ITPR1: variants seen among roughly 807,000 people sequenced by gnomAD.
ITPR1 encodes inositol 1,4,5-trisphosphate receptor type 1.
ITPR1 carries 96 observed loss-of-function variants against 318.4 expected under a neutral mutation model. That is an observed-to-expected ratio of 0.30 (90% CI 0.26 to 0.36). The LOEUF (loss-of-function observed/expected upper bound fraction) is 0.36. Ranked by LOEUF, ITPR1 falls within the 10% of genes least tolerant of loss-of-function variation. The pLI is 1.00. For synonymous variants in ITPR1, 1,312 were observed against 1,289.9 expected (o/e 1.02, Z -0.37); for missense variants, 2,440 against 3,460.2 (o/e 0.71, Z 7.40).
At chr3:4,755,335 G>A (rs140128694) in intron 44 of ITPR1, among the ~76,000 whole-genome samples, 2,464 of 152,166 alleles carry the variant, frequency 0.016, 31 homozygotes, top group Non-Finnish European at 0.029. Flanking sequence ...TGGGCACTGG[G>A]AGACAGGAAA....
At chr3:4,649,711 C>G (rs1428934456) in intron 10 of ITPR1, among the ~76,000 whole-genome samples, 2 of 152,162 alleles carry the variant, frequency 1.3e-5, no homozygotes, top group African/African-American at 4.8e-5. Context: ...TTATAAATAT[C>G]AGAAATGTAT....
intron 4 of ITPR1, among the ~76,000 whole-genome samples, chr3:4,541,401 A>G (rs926160523): frequency 6.6e-6 from 1 of 151,592 alleles, no homozygotes; most frequent in Admixed American, 6.6e-5. Context: ...CAGCATCATT[A>G]TTTTTTTGCC....
rs376838496 is a variant in ITPR1, at chr3:4,694,809, T to C, written c.4281+1068T>C. Among the ~76,000 whole-genome samples, 3 of 152,366 alleles carry C rather than the reference T, an allele frequency of 2.0e-5. No individual in the cohort carries two copies. In the East Asian group the frequency reaches 5.8e-4, roughly 29 times the overall value. ...CATTAGTCAGTACCTGACCATACTCTTTGAAAAGTTCAAATATCAAAGACT... is the reference window on the plus strand; with the variant it reads ...CATTAGTCAGTACCTGACCATACTCCTTGAAAAGTTCAAATATCAAAGACT... On this transcript the variant is annotated intron_variant, in intron 33 of 61. Transcript: ENST00000649015.
In ITPR1 at chr3:4,818,083, C is replaced by T. The variant is rs367926649; in HGVS notation, c.7869C>T (p.Gly2623=). The change falls in exon 60 of 62, where the codon GGC becomes GGT. Residue 2623 remains glycine (G), a splice_region_variant and synonymous_variant. Transcript: ENST00000649015. ...GGGGGCTTTTTGTCTCATTTTTAGG[C>T]TTGGAAAGAGACAAGTTTGACAACA... ...EILKTTCFIC[G]LERDKFDNKT... 1 of 1,595,876 alleles carries T rather than the reference C, an allele frequency of 6.3e-7. No individual in the cohort carries two copies. Among genetic ancestry groups the T allele is most frequent in the East Asian group, 2.2e-5 (1 of 44,470 alleles).
chr3:4,617,201 C>G (rs2092421555), intron 4 of ITPR1, among the ~76,000 whole-genome samples: 1 of 152,064 alleles, frequency 6.6e-6, no homozygotes, highest in Non-Finnish European at 1.5e-5. Flanking sequence ...TGATACTTGG[C>G]ATTTTCCAGT....
At chr3:4,841,386 A>G (rs901357867) in intron 61 of ITPR1, among the ~76,000 whole-genome samples, 1 of 152,208 alleles carries the variant, frequency 6.6e-6, no homozygotes, top group African/African-American at 2.4e-5. Flanking sequence ...TTCCCAGGAA[A>G]GGAATCAGCA....
chr3:4,825,388 G>A (rs73098059), intron 60 of ITPR1, among the ~76,000 whole-genome samples: 4,379 of 152,254 alleles, frequency 0.029, 187 homozygotes, highest in African/African-American at 0.099. Flanking sequence ...CTTAGGAGGG[G>A]AGAGCCCAGG....
At chr3:4,716,868 G>A (rs956880931) in intron 39 of ITPR1, among the ~76,000 whole-genome samples, 1 of 152,136 alleles carries the variant, frequency 6.6e-6, no homozygotes, top group Admixed American at 6.5e-5. Flanking sequence ...ACCAGGCTGG[G>A]GATATGCTGG....
At chr3:4,830,225 C>G (rs1198139255) in intron 60 of ITPR1, among the ~76,000 whole-genome samples, 1 of 151,998 alleles carries the variant, frequency 6.6e-6, no homozygotes, top group Admixed American at 6.6e-5. Flanking sequence ...ATCCGTCCAC[C>G]TCAGCCTCCC....
Position 4,555,960 on chromosome 3 carries a change from C to A in ITPR1, c.163+34866C>A, listed in dbSNP as rs148709218. ...GATTTGCACACAAGCACTTCAGCTC[C>A]AGGGTCTGTGCTCGTAGACACTGCG... On this transcript the variant is annotated intron_variant, in intron 4 of 61. Transcript: ENST00000649015. Among the ~76,000 whole-genome samples the A allele has an allele frequency of 6.7e-3, 1,021 of 152,266 alleles. 9 individuals are homozygous for A. Among genetic ancestry groups the A allele is most frequent in the African/African-American group, 0.024 (984 of 41,538 alleles).
Position 4,516,513 on chromosome 3 carries a change from T to C in ITPR1, c.22T>C (p.Phe8Leu). ...AGACATGTCTGACAAAATGTCTAGC[T>C]TCCTACATATTGGAGACATTTGTTC... MSDKMSS[F>L]LHIGDICSLY... Residue 8 changes from phenylalanine to leucine, a missense_variant, in exon 3 of 62, where the codon TTC becomes CTC. Phe to Leu is a conservative substitution (Grantham distance 22). Coordinates refer to ENST00000649015, the MANE Select transcript of ITPR1 (RefSeq NM_001378452.1). 1.3e-6 allele frequency: 2 copies of C among 1,591,896 alleles called. No homozygotes were observed. Among genetic ancestry groups the C allele is most frequent in the South Asian group, 1.2e-5 (1 of 85,932 alleles).
At chr3:4,726,318 C>G (rs60187531) in intron 41 of ITPR1, among the ~76,000 whole-genome samples, 375 of 150,080 alleles carry the variant, frequency 2.5e-3, no homozygotes, top group African/African-American at 8.9e-3. Flanking sequence ...GCATGAGGCT[C>G]TGCGCCCAGC....
chr3:4,670,434 A>C (rs1484799867), intron 19 of ITPR1, among the ~76,000 whole-genome samples: 1 of 152,160 alleles, frequency 6.6e-6, no homozygotes, highest in African/African-American at 2.4e-5. Context: ...AATGTTCAGC[A>C]GCATCCCTGG....
At chr3:4,655,862 G>A (rs1401353852) in intron 12 of ITPR1, among the ~76,000 whole-genome samples, 7 of 152,132 alleles carry the variant, frequency 4.6e-5, no homozygotes, top group Admixed American at 6.5e-5. Flanking sequence ...ACGCCCACAC[G>A]GCCAACAGCA....
At chr3:4,813,318 T>G (rs541444749) in intron 57 of ITPR1, 84 bp downstream of exon 57, 2 of 916,666 alleles carry the variant, frequency 2.2e-6, no homozygotes, top group East Asian at 4.9e-5. Flanking sequence ...GGAAGAAGAT[T>G]AAATTTACTG....
chr3:4,822,254 C>T (rs1240702004), intron 60 of ITPR1, among the ~76,000 whole-genome samples: 1 of 152,196 alleles, frequency 6.6e-6, no homozygotes, highest in Non-Finnish European at 1.5e-5. Context: ...CAGAGCACAG[C>T]CAGCCAGGAA....
At chr3:4,741,966 A>C (rs1339993175) in intron 44 of ITPR1, among the ~76,000 whole-genome samples, 2 of 152,142 alleles carry the variant, frequency 1.3e-5, no homozygotes, top group African/African-American at 4.8e-5. Flanking sequence ...TGGGGGTTCG[A>C]GAGCTGTTGG....
intron 4 of ITPR1, among the ~76,000 whole-genome samples, chr3:4,621,396 G>A (rs1455237259): frequency 1.3e-5 from 2 of 152,124 alleles, no homozygotes; most frequent in African/African-American, 2.4e-5. Context: ...AGTATCATGA[G>A]CACAGCACCA....
Position 4,675,064 on chromosome 3 carries a change from A to G in ITPR1, c.2599-4A>G. The G allele has an allele frequency of 6.7e-7, 1 of 1,483,464 alleles. No homozygotes were observed. Among genetic ancestry groups the G allele is most frequent in the Non-Finnish European group, 9.4e-7 (1 of 1,064,784 alleles). The allele number at this position is 1,483,464 out of a possible 1,614,324, so 91.9% of individuals were successfully genotyped here. A position where few individuals can be genotyped will look rare whatever the true frequency, so the allele number is the denominator to read the frequency against. ...CGTCTTCTTCTTTTATTTTAATACA[A>G]TAGGTTGTAAATTTAGCTAGGAATC... On this transcript the variant is annotated splice_polypyrimidine_tract_variant and splice_region_variant and intron_variant, in intron 22 of 61. Coordinates refer to ENST00000649015, the MANE Select transcript of ITPR1 (RefSeq NM_001378452.1).
Sources: allele counts gnomAD v4.1 joint callset (sites outside exome capture counted in the v4.1 genomes callset), GRCh38; gene constraint gnomAD v4.1.1; transcripts MANE v1.5; gene names NCBI Gene and HGNC (gene_info 2026-07-23, HGNC 2026-07-21).